The following RHPN2 variants were observed in gnomAD, a reference collection of about 807,000 sequenced individuals.
The protein encoded by RHPN2 is rhophilin-2.
In RHPN2, 40 loss-of-function variants were observed where a neutral mutation model predicts 79.0. That is an observed-to-expected ratio of 0.51 (90% confidence interval 0.39 to 0.66). The LOEUF (loss-of-function observed/expected upper bound fraction) is 0.66, where lower values mean the gene tolerates loss of function less well. Among genes scored for constraint, RHPN2 ranks in the 30% least tolerant of loss-of-function variants. The probability of loss-of-function intolerance (pLI) is 0.00; values close to 1 mark genes in which losing one functional copy is unlikely to be tolerated. For synonymous variants in RHPN2, 285 were observed against 363.5 expected, an observed-to-expected ratio of 0.78 and a Z score of 2.46; for missense variants, 686 against 883.5, an observed-to-expected ratio of 0.78 and a Z score of 2.83.
intron 3 of RHPN2, among the ~76,000 whole-genome samples, chr19:33,025,369 C>G (rs1386953621): frequency 6.6e-6 from 1 of 150,856 alleles, no homozygotes; most frequent in Non-Finnish European, 1.5e-5. Context: ...GTAATCCCAG[C>G]TACTCAGGTG....
At chr19:33,027,673 G>A (rs1971979592) in intron 2 of RHPN2, among the ~76,000 whole-genome samples, 1 of 152,058 alleles carries the variant, frequency 6.6e-6, no homozygotes, top group African/African-American at 2.4e-5. Context: ...CCATAACTAA[G>A]TGGGATTTAT....
rs1178055932 is a variant in RHPN2 at position 32,990,560 on chromosome 19, T to A, written c.1754A>T (p.Glu585Val). Reference sequence around the variant, plus strand: ...GAGGCTCACGACTTTCATCTCGATCTCGTCCTCGCCAAAGCTCTTCAGCAG... The same window carrying A: ...GAGGCTCACGACTTTCATCTCGATCACGTCCTCGCCAAAGCTCTTCAGCAG... ...MKLLKSFGED[E>V]IEMKVVSLLD... is the part of the protein sequence containing the mutation. The change falls in exon 14 of 15, where the codon GAG becomes GTG. Residue 585 changes from glutamate (E) to valine (V), a missense_variant. Coordinates refer to ENST00000254260, the MANE Select transcript of RHPN2 (RefSeq NM_033103.5). 6.2e-7 allele frequency: 1 copy of A among 1,613,882 alleles called. No individual in the cohort carries two copies.
chr19:33,015,483 T>C (rs1971870658), intron 4 of RHPN2, among the ~76,000 whole-genome samples: 1 of 151,406 alleles, frequency 6.6e-6, no homozygotes, highest in Admixed American at 6.6e-5. Context: ...AATGAGAATT[T>C]CTACCATCAC....
At position 33,044,268 on chromosome 19, in the gene RHPN2, C is replaced by T. The variant is rs765029887; in HGVS notation, c.166G>A (p.Gly56Arg). 5 of 1,613,852 alleles carry T rather than the reference C, an allele frequency of 3.1e-6. No homozygotes were observed. The highest frequency in any genetic ancestry group is 2.2e-5 in the East Asian group (1 of 44,866). ...QILKAVRMRT[G>R]AENLLKVATN... is the part of the protein sequence containing the mutation. ...ACCTACTTCAGAAGGTTTTCCGCTC[C>T]GGTCCTCATCCGCACGGCTTTCAGG... The change falls in exon 2 of 15, where the codon GGA (glycine) becomes AGA (arginine). Residue 56 changes from glycine (G) to arginine (R), a missense_variant. Transcript: ENST00000254260.
chr19:32,980,346 A>T, intron 14 of RHPN2, 90 bp from the exon 15 acceptor site: 1 of 1,468,064 alleles, frequency 6.8e-7, no homozygotes, highest in East Asian at 2.3e-5. Flanking sequence ...GGTGGCTCAC[A>T]CCTGTAATCC....
At chr19:33,052,576 G>A (rs1017283649) in intron 1 of RHPN2, among the ~76,000 whole-genome samples, 4 of 152,196 alleles carry the variant, frequency 2.6e-5, no homozygotes, top group Non-Finnish European at 5.9e-5. Flanking sequence ...TTGTTTATAA[G>A]TCAGCCAGAG....
rs761032548 is a variant in RHPN2, at chr19:33,021,631, A to G, written c.330T>C (p.Ile110=). Residue 110 remains isoleucine (I), a synonymous_variant, in exon 4 of 15, where the codon ATT becomes ATC. Transcript: ENST00000254260. The stretch of plus-strand genomic sequence containing the variant: ...CCTTCAGGCCAAGAGGAATCAGGGG[A>G]ATCGTAAATGCCTCCCTATGAGGAA... ...VYQNTEEAFT[I]PLIPLGLKET... 2 of 1,613,764 alleles carry G rather than the reference A, an allele frequency of 1.2e-6. No individual in the cohort carries two copies. The highest frequency in any genetic ancestry group is 1.7e-6 in the Non-Finnish European group (2 of 1,179,708).
At chr19:33,016,338 G>T (rs1473376919) in intron 4 of RHPN2, among the ~76,000 whole-genome samples, 1 of 151,986 alleles carries the variant, frequency 6.6e-6, no homozygotes, top group Non-Finnish European at 1.5e-5. Flanking sequence ...CTCCCAAGTA[G>T]CTGGGACTAA....
chr19:33,001,056 G>A (rs1213705394), intron 9 of RHPN2, among the ~76,000 whole-genome samples: 2 of 152,184 alleles, frequency 1.3e-5, no homozygotes, highest in African/African-American at 4.8e-5. Context: ...ATGACAGCCT[G>A]TGAGGCAGGT....
chr19:33,004,141 C>A (rs1370975409), intron 7 of RHPN2, among the ~76,000 whole-genome samples: 2 of 152,160 alleles, frequency 1.3e-5, no homozygotes, highest in South Asian at 2.1e-4. Context: ...TGGGCTCAAG[C>A]GGTCCTCCCA....
intron 2 of RHPN2, among the ~76,000 whole-genome samples, chr19:33,027,957 C>A (rs1971981418): frequency 6.6e-6 from 1 of 152,012 alleles, no homozygotes; most frequent in Non-Finnish European, 1.5e-5. Flanking sequence ...GGCAAAGATG[C>A]CCACTTTTGC....
chr19:33,057,366 G>T (rs181918706), intron 1 of RHPN2, among the ~76,000 whole-genome samples: 131 of 151,750 alleles, frequency 8.6e-4, no homozygotes, highest in Admixed American at 3.6e-3. Context: ...GACAAGAAAA[G>T]AAAAGAAAAA....
chr19:33,008,624 G>T (rs1971812700), intron 6 of RHPN2, among the ~76,000 whole-genome samples: 1 of 152,016 alleles, frequency 6.6e-6, no homozygotes, highest in Non-Finnish European at 1.5e-5. Flanking sequence ...ACAAAAATTA[G>T]CCAGGCATGG....
At chr19:33,054,193 CTTT>C (rs1972212735) in intron 1 of RHPN2, among the ~76,000 whole-genome samples, 5 of 131,318 alleles carry the variant, frequency 3.8e-5, no homozygotes, top group South Asian at 2.8e-4. Flanking sequence ...CTTTTTTCTT[CTTT>C]GTTTTTTTTT....
chr19:32,990,749 T>G, intron 13 of RHPN2, 80 bp from the exon 14 acceptor site: 1 of 1,564,940 alleles, frequency 6.4e-7, no homozygotes, highest in South Asian at 1.1e-5. Context: ...AAAATAGGTA[T>G]TTGCGTAAGT....
chr19:33,025,815 T>A (rs1366419484), intron 3 of RHPN2, among the ~76,000 whole-genome samples: 1 of 152,224 alleles, frequency 6.6e-6, no homozygotes, highest in African/African-American at 2.4e-5. Context: ...TTGCTTAATG[T>A]CTGTTCAGTT....
chr19:33,049,423 T>C (rs146921162), intron 1 of RHPN2, among the ~76,000 whole-genome samples: 56 of 152,082 alleles, frequency 3.7e-4, no homozygotes, highest in African/African-American at 1.1e-3. Context: ...GAGACAGGGA[T>C]TGGTTCTCAA....
chr19:33,037,741 C>T lies in RHPN2; in HGVS notation c.185+6508G>A, dbSNP rs549618598. On this transcript the variant is annotated intron_variant, in intron 2 of 14. Coordinates refer to ENST00000254260, the MANE Select transcript of RHPN2 (RefSeq NM_033103.5). ...AGAAGGAAGAAACTCCAAACACATC[C>T]GAACATCAGAGGGAACAAACTCCAG... 2.0e-5 allele frequency among the ~76,000 whole-genome samples: 3 copies of T among 152,258 alleles called. 1 individual carries two copies. Among genetic ancestry groups the T allele is most frequent in the African/African-American group, 4.8e-5 (2 of 41,544 alleles).
chr19:33,029,657 T>C (rs1345318768), intron 2 of RHPN2, among the ~76,000 whole-genome samples: 2 of 151,926 alleles, frequency 1.3e-5, no homozygotes, highest in African/African-American at 4.8e-5. Flanking sequence ...TTTCAACAAA[T>C]AGCGCTAAAG....
Sources: gnomAD v4.1 joint callset for allele counts (sites outside exome capture counted in the v4.1 genomes callset) on GRCh38, gnomAD v4.1.1 for gene constraint, MANE v1.5 for transcripts, NCBI Gene and HGNC (gene_info 2026-07-23, HGNC 2026-07-21) for gene names.